LARGE1: variants seen among roughly 807,000 people sequenced by gnomAD.
LARGE1 encodes LARGE xylosyl- and glucuronyltransferase 1.
LARGE1 carries 43 observed loss-of-function variants against 87.6 expected under a neutral mutation model. That is an observed-to-expected ratio of 0.49 (90% CI 0.38 to 0.63). LARGE1 has a LOEUF of 0.63. LARGE1 is among the 30% of genes least tolerant of loss of function. LARGE1 has a pLI of 0.00. For missense variants in LARGE1, 802 were observed against 1,000.2 expected, an observed-to-expected ratio of 0.80 and a Z score of 2.67; for synonymous variants, 434 against 394.6, an observed-to-expected ratio of 1.10 and a Z score of -1.18.
At chr22:33,303,180 C>T (rs1313878088) in intron 12 of LARGE1, among the ~76,000 whole-genome samples, 1 of 152,202 alleles carries the variant, frequency 6.6e-6, no homozygotes, top group Non-Finnish European at 1.5e-5. Context: ...CCATCTAAGC[C>T]TTCCATTAGC....
chr22:33,252,344 C>G (rs1389533190), intron 11 of LARGE1, among the ~76,000 whole-genome samples: 1 of 143,126 alleles, frequency 7.0e-6, no homozygotes, highest in Non-Finnish European at 1.5e-5. Context: ...TTACCTTACT[C>G]TAGTCTTCCA....
At chr22:33,354,535 G>A (rs1295381437) in intron 9 of LARGE1, among the ~76,000 whole-genome samples, 4 of 152,272 alleles carry the variant, frequency 2.6e-5, no homozygotes, top group East Asian at 3.9e-4. Context: ...TTAACCTATC[G>A]ATGACATTAA....
chr22:33,745,911 G>C (rs1300828530), intron 2 of LARGE1, among the ~76,000 whole-genome samples: 1 of 152,120 alleles, frequency 6.6e-6, no homozygotes, highest in African/African-American at 2.4e-5. Context: ...AACTAACCAG[G>C]AGGGAGCGAC....
At chr22:33,395,263 G>A (rs62225269) in intron 7 of LARGE1, among the ~76,000 whole-genome samples, 1 of 142,868 alleles carries the variant, frequency 7.0e-6, no homozygotes, top group Non-Finnish European at 1.5e-5. Context: ...GAAAACTAGG[G>A]CTTCCCTGAG....
chr22:33,434,831 T>C (rs187703994), intron 6 of LARGE1, among the ~76,000 whole-genome samples: 4 of 152,336 alleles, frequency 2.6e-5, no homozygotes, highest in Admixed American at 2.0e-4. Flanking sequence ...TTGGCAGGCA[T>C]TGCCCTTGCC....
intron 6 of LARGE1, among the ~76,000 whole-genome samples, chr22:33,477,473 G>A (rs1488580974): frequency 6.6e-6 from 1 of 152,164 alleles, no homozygotes; most frequent in Non-Finnish European, 1.5e-5. Context: ...GTGTCAATCT[G>A]TATTCCAAAT....
chr22:33,267,030 A>G (rs1927987582), intron 11 of LARGE1, among the ~76,000 whole-genome samples: 1 of 151,676 alleles, frequency 6.6e-6, no homozygotes, highest in African/African-American at 2.4e-5. Context: ...ACTTGAGGCC[A>G]GGAGTTCGAG....
At chr22:33,694,754 A>G (rs1195445737) in intron 2 of LARGE1, among the ~76,000 whole-genome samples, 2 of 152,176 alleles carry the variant, frequency 1.3e-5, no homozygotes, top group Non-Finnish European at 2.9e-5. Context: ...AATGAAAAAA[A>G]TAGGATCAGG....
the LARGE1 span, among the ~76,000 whole-genome samples, chr22:33,097,948 A>C: frequency 6.6e-6 from 1 of 152,172 alleles, no homozygotes; most frequent in Non-Finnish European, 1.5e-5. Flanking sequence ...CCATTTTTCT[A>C]TCTCATACAC....
At chr22:33,776,602 G>A (rs1055496651) in intron 1 of LARGE1, among the ~76,000 whole-genome samples, 5 of 152,116 alleles carry the variant, frequency 3.3e-5, no homozygotes, top group Admixed American at 2.0e-4. Context: ...TTGTTCTTCC[G>A]ATTTTCATTC....
intron 2 of LARGE1, among the ~76,000 whole-genome samples, chr22:33,655,263 A>G (rs2149205665): frequency 6.6e-6 from 1 of 152,280 alleles, no homozygotes. Context: ...GCTACCTCCC[A>G]TTAGTTGAAG....
chr22:33,212,349 T>C (rs1925005132), intron 11 of LARGE1, among the ~76,000 whole-genome samples: 2 of 152,248 alleles, frequency 1.3e-5, no homozygotes, highest in Admixed American at 6.5e-5. Context: ...CTGTCTGTGC[T>C]TTATAAATGG....
At chr22:33,363,374 A>G (rs1271955030) in intron 9 of LARGE1, among the ~76,000 whole-genome samples, 1 of 150,074 alleles carries the variant, frequency 6.7e-6, no homozygotes, top group Non-Finnish European at 1.5e-5. Context: ...GGTGAAAGGC[A>G]TGGCTTACAT....
intron 9 of LARGE1, among the ~76,000 whole-genome samples, chr22:33,357,790 C>T (rs577092523): frequency 4.6e-5 from 7 of 151,448 alleles, no homozygotes; most frequent in Non-Finnish European, 8.8e-5. Flanking sequence ...GTGAAACTGT[C>T]GCAAAAAAGA....
intron 11 of LARGE1, among the ~76,000 whole-genome samples, chr22:33,203,089 C>CTGTG (rs1186912400): frequency 1.5e-5 from 2 of 133,444 alleles, no homozygotes; most frequent in African/African-American, 2.9e-5. Flanking sequence ...CTCTCTCTCT[C>CTGTG]TCTCTCTCTC....
chr22:33,616,658 T>C (rs1166657958), intron 4 of LARGE1, among the ~76,000 whole-genome samples: 1 of 152,162 alleles, frequency 6.6e-6, no homozygotes, highest in African/African-American at 2.4e-5. Context: ...AACTGATACA[T>C]GCTACATCAG....
chr22:33,241,436 T>G (rs1452703798), intron 11 of LARGE1, among the ~76,000 whole-genome samples: 2 of 152,132 alleles, frequency 1.3e-5, no homozygotes, highest in African/African-American at 4.8e-5. Flanking sequence ...TTCTCACTAT[T>G]GAATTTCCAG....
At chr22:33,727,591 G>A (rs2083309632) in intron 2 of LARGE1, 1 of 152,216 alleles carries the variant, frequency 6.6e-6, no homozygotes, top group Non-Finnish European at 1.5e-5. Context: ...AGAGGAAGGT[G>A]ATCTAGCACA....
intron 1 of LARGE1, among the ~76,000 whole-genome samples, chr22:33,902,737 A>G (rs1402231216): frequency 6.6e-6 from 1 of 152,218 alleles, no homozygotes; most frequent in African/African-American, 2.4e-5. Context: ...ACAACAGATG[A>G]TGTTATAGGC....
Sources: gnomAD v4.1 joint callset for allele counts (sites outside exome capture counted in the v4.1 genomes callset) on GRCh38, gnomAD v4.1.1 for gene constraint, MANE v1.5 for transcripts, NCBI Gene and HGNC (gene_info 2026-07-23, HGNC 2026-07-21) for gene names.